KANK4: variants seen among roughly 807,000 people sequenced by gnomAD.
KANK4 encodes KN motif and ankyrin repeat domain-containing protein 4.
KANK4 carries 50 observed loss-of-function variants against 80.8 expected under a neutral mutation model. That is an observed-to-expected ratio of 0.62 (90% CI 0.49 to 0.78). The LOEUF is 0.78. Ranked by LOEUF, KANK4 falls within the 30% of genes least tolerant of loss-of-function variation. The probability of loss-of-function intolerance (pLI) is 0.00; values close to 1 mark genes in which losing one functional copy is unlikely to be tolerated. For synonymous variants in KANK4, 465 were observed against 506.9 expected, an observed-to-expected ratio of 0.92 and a Z score of 1.11; for missense variants, 1,196 against 1,240.1, an observed-to-expected ratio of 0.96 and a Z score of 0.53.
Position 62,281,725 on chromosome 1 carries a change from C to T in KANK4, c.-70-91G>A, listed in dbSNP as rs1672455327. On this transcript the variant is annotated intron_variant, in intron 1 of 9. Coordinates refer to ENST00000371153, the MANE Select transcript of KANK4 (RefSeq NM_181712.5). ...CAGCACTAAACAAAGTAACATCCAT[C>T]CCTGCCTTTCTCCCAGGGTGCCCAT... The T allele has an allele frequency of 6.1e-6, 5 of 823,622 alleles. No homozygotes were observed. In the Admixed American group the frequency reaches 7.4e-5, roughly 12 times the overall value. The allele number at this position is 823,622 out of a possible 1,614,324, so 51.0% of individuals were successfully genotyped here. A position where few individuals can be genotyped will look rare whatever the true frequency, so the allele number is the denominator to read the frequency against.
At chr1:62,280,974 C>T (rs10889316) in intron 2 of KANK4, among the ~76,000 whole-genome samples, 76,141 of 151,928 alleles carry the variant, frequency 0.5, 20,304 homozygotes, top group African/African-American at 0.69. Flanking sequence ...GTCAGTCTGT[C>T]CTTGTGTTGT....
intron 4 of KANK4, among the ~76,000 whole-genome samples, chr1:62,270,867 G>C (rs1246244911): frequency 6.6e-6 from 1 of 152,038 alleles, no homozygotes; most frequent in African/African-American, 2.4e-5. Context: ...CTTTATTTCT[G>C]TTATCTGTGA....
chr1:62,266,953 G>A (rs1672036579), intron 5 of KANK4, 134 bp from the exon 6 acceptor site: 10 of 593,908 alleles, frequency 1.7e-5, no homozygotes. Flanking sequence ...AGGAGAGGGT[G>A]AGCTTCAAAA....
chr1:62,301,011 C>T (rs1355270123), intron 1 of KANK4, among the ~76,000 whole-genome samples: 1 of 151,942 alleles, frequency 6.6e-6, no homozygotes, highest in African/African-American at 2.4e-5. Context: ...AATTACATAA[C>T]GTCTTACATG....
At chr1:62,309,860 A>T (rs1313247100) in intron 1 of KANK4, among the ~76,000 whole-genome samples, 5 of 152,202 alleles carry the variant, frequency 3.3e-5, no homozygotes, top group African/African-American at 1.2e-4. Flanking sequence ...AATGGTTCAA[A>T]AGCGGGGAAT....
chr1:62,273,460 C>T lies in KANK4; in HGVS notation c.1644G>A (p.Pro548=), dbSNP rs932479710. The T allele has an allele frequency of 7.4e-6, 12 of 1,613,950 alleles. No homozygotes were observed. Among genetic ancestry groups the T allele is most frequent in the Middle Eastern group, 3.3e-4 (2 of 6,060 alleles). ...TSSNLPGKEH[P]GRPPSSPTDA... ...CCGTTGGCGAGCTTGGTGGCCTTCC[C>T]GGGTGCTCCTTCCCTGGGAGATTGG... Residue 548 remains proline, a synonymous_variant, in exon 3 of 10, where the codon CCG becomes CCA. Coordinates refer to ENST00000371153, the MANE Select transcript of KANK4 (RefSeq NM_181712.5).
intron 1 of KANK4, among the ~76,000 whole-genome samples, chr1:62,304,781 C>T (rs1242035699): frequency 2.0e-5 from 3 of 152,036 alleles, no homozygotes; most frequent in Non-Finnish European, 2.9e-5. Context: ...TATGATACAG[C>T]GCGACCGGCA....
At chr1:62,253,780 A>G (rs1245577899) in intron 7 of KANK4, among the ~76,000 whole-genome samples, 1 of 152,224 alleles carries the variant, frequency 6.6e-6, no homozygotes, top group Non-Finnish European at 1.5e-5. Context: ...AAAGCCAGAG[A>G]TGGCCAAAGG....
At chr1:62,238,668 C>T (rs1257805919) in intron 9 of KANK4, among the ~76,000 whole-genome samples, 2 of 146,712 alleles carry the variant, frequency 1.4e-5, no homozygotes, top group Non-Finnish European at 3.0e-5. Flanking sequence ...CTCACTCTAT[C>T]GCCCAGGGTG....
intron 2 of KANK4, among the ~76,000 whole-genome samples, chr1:62,278,647 G>A (rs902515260): frequency 4.6e-5 from 7 of 151,578 alleles, no homozygotes; most frequent in African/African-American, 1.7e-4. Flanking sequence ...CACCTGCCTC[G>A]GCCTCCCAAA....
intron 6 of KANK4, among the ~76,000 whole-genome samples, chr1:62,263,838 T>C (rs1671954650): frequency 6.6e-6 from 1 of 152,134 alleles, no homozygotes; most frequent in Admixed American, 6.5e-5. Context: ...CAGGTGTGCT[T>C]GACATGTTTG....
chr1:62,308,089 A>C (rs1644467945), intron 1 of KANK4, among the ~76,000 whole-genome samples: 1 of 152,100 alleles, frequency 6.6e-6, no homozygotes, highest in South Asian at 2.1e-4. Context: ...GGCAGGTTGC[A>C]GCTTGGTCTC....
At chr1:62,267,616 A>G (rs2149136560) in intron 5 of KANK4, among the ~76,000 whole-genome samples, 2 of 152,264 alleles carry the variant, frequency 1.3e-5, no homozygotes, top group South Asian at 4.1e-4. Flanking sequence ...CCTGGCCAAC[A>G]TAGTGAAACC....
At chr1:62,290,969 C>A (rs1332058591) in intron 1 of KANK4, among the ~76,000 whole-genome samples, 1 of 152,024 alleles carries the variant, frequency 6.6e-6, no homozygotes. Context: ...CCAGAATGGT[C>A]TCGATCTCTT....
chr1:62,273,355 C>T lies in KANK4; in HGVS notation c.1749G>A (p.Pro583=), dbSNP rs192453281. 2.2e-4 allele frequency: 357 copies of T among 1,607,986 alleles called. 1 individual carries two copies. In the South Asian group the frequency reaches 3.2e-3, roughly 15 times the overall value. Residue 583 remains proline (P), a synonymous_variant, in exon 3 of 10, where the codon CCG becomes CCA. Coordinates refer to ENST00000371153, the MANE Select transcript of KANK4 (RefSeq NM_181712.5). The part of the protein sequence containing the change: ...EQWNCLEHGY[P]ELASAIKQPA... ...GCTGCTTGATGGCGCTGGCCAGCTC[C>T]GGGTACCCATGCTCCAGGCAGTTCC...
At position 62,263,219 on chromosome 1, in the gene KANK4, C is replaced by G. The variant is rs1482582182; in HGVS notation, c.2412G>C (p.Glu804Asp). The G allele has an allele frequency of 2.5e-6, 4 of 1,613,932 alleles. No individual in the cohort carries two copies. The Admixed American group carries it at 6.7e-5, about 27-fold the overall frequency. ...SPAVVASYLH[E>D]VQPHSPHFLK... ...GGAAGTGTGGGGAGTGAGGCTGGAC[C>G]TCGTGGAGGTAGGAGGCCACCACGG... is the stretch of plus-strand genomic sequence containing the variant. Residue 804 changes from glutamate (E) to aspartate (D), a missense_variant, in exon 7 of 10, where the codon GAG (glutamate) becomes GAC (aspartate). Coordinates refer to ENST00000371153, the MANE Select transcript of KANK4 (RefSeq NM_181712.5).
chr1:62,261,477 T>C (rs995349723), intron 7 of KANK4, among the ~76,000 whole-genome samples: 14 of 152,118 alleles, frequency 9.2e-5, no homozygotes. Flanking sequence ...GGCTTTTTGC[T>C]GTTTGGTTCC....
intron 1 of KANK4, among the ~76,000 whole-genome samples, chr1:62,312,024 G>A (rs1486442279): frequency 2.0e-5 from 3 of 151,936 alleles, no homozygotes; most frequent in Non-Finnish European, 4.4e-5. Flanking sequence ...TCATCCCTTT[G>A]GCAGACTGGT....
intron 2 of KANK4, among the ~76,000 whole-genome samples, chr1:62,278,320 T>TCTTTCTTTCTTCCTTCCTTCCTTC (rs1420040026): frequency 1.7e-5 from 1 of 60,526 alleles, no homozygotes; most frequent in African/African-American, 5.5e-5. Context: ...ACATTTTCTT[T>TCTTTCTTTCTTCCTTCCTTCCTTC]CTTCCTTCCT....
Sources: gnomAD v4.1 joint callset for allele counts (sites outside exome capture counted in the v4.1 genomes callset) on GRCh38, gnomAD v4.1.1 for gene constraint, MANE v1.5 for transcripts, NCBI Gene and HGNC (gene_info 2026-07-23, HGNC 2026-07-21) for gene names.